SGCZ: variants seen among roughly 807,000 people sequenced by gnomAD.
SGCZ encodes the protein zeta-sarcoglycan.
Under a neutral mutation model 41.3 loss-of-function variants are expected in SGCZ, and 40 were observed. That is an observed-to-expected ratio of 0.97 (90% CI 0.75 to 1.26). SGCZ has a LOEUF of 1.26. Ranked by LOEUF, SGCZ falls within the 50% of genes most tolerant of loss-of-function variation. The pLI, the probability that SGCZ is intolerant of heterozygous loss-of-function variation, is 0.00. For missense variants in SGCZ, 552 were observed against 369.8 expected (o/e 1.49, Z -4.04); for synonymous variants, 206 against 137.5 (o/e 1.50, Z -3.49).
intron 1 of SGCZ, among the ~76,000 whole-genome samples, chr8:14,715,910 G>C (rs1005355903): frequency 1.3e-5 from 2 of 151,906 alleles, no homozygotes; most frequent in African/African-American, 4.8e-5. Flanking sequence ...ACAACAATTT[G>C]GTAGAAATAA....
chr8:14,469,391 C>G (rs1801145719), intron 2 of SGCZ, among the ~76,000 whole-genome samples: 1 of 152,012 alleles, frequency 6.6e-6, no homozygotes, highest in Non-Finnish European at 1.5e-5. Flanking sequence ...AAATCCAATC[C>G]CTCTCACATA....
At chr8:14,551,864 A>G (rs917160056) in intron 2 of SGCZ, among the ~76,000 whole-genome samples, 2 of 151,000 alleles carry the variant, frequency 1.3e-5, no homozygotes, top group Non-Finnish European at 2.9e-5. Flanking sequence ...TACATCATGC[A>G]GAATATCGCT....
At chr8:14,748,512 C>T (rs1585228730) in intron 1 of SGCZ, among the ~76,000 whole-genome samples, 1 of 152,058 alleles carries the variant, frequency 6.6e-6, no homozygotes, top group East Asian at 1.9e-4. Flanking sequence ...ATAAGGACTC[C>T]CTTACAAAAT....
At chr8:14,541,671 G>A (rs970018948) in intron 2 of SGCZ, among the ~76,000 whole-genome samples, 1 of 152,048 alleles carries the variant, frequency 6.6e-6, no homozygotes, top group Non-Finnish European at 1.5e-5. Context: ...TGGGTCAAAT[G>A]GTAGTTCTGA....
intron 1 of SGCZ, among the ~76,000 whole-genome samples, chr8:14,745,359 T>A (rs1448088337): frequency 6.6e-6 from 1 of 152,164 alleles, no homozygotes; most frequent in African/African-American, 2.4e-5. Context: ...GCTAGATCTG[T>A]ATAATACATA....
At chr8:15,001,391 C>T (rs1295667062) in intron 1 of SGCZ, among the ~76,000 whole-genome samples, 3 of 152,196 alleles carry the variant, frequency 2.0e-5, no homozygotes, top group African/African-American at 7.2e-5. Context: ...GGATATTTGT[C>T]ACAAGGTATC....
intron 1 of SGCZ, chr8:14,853,622 T>G (rs1427540676): frequency 2.7e-6 from 1 of 370,814 alleles, no homozygotes; most frequent in Non-Finnish European, 5.8e-6. Context: ...GCTTTGTCCT[T>G]TAAAGAACTG....
chr8:14,798,256 A>T lies in SGCZ; in HGVS notation c.40-243330T>A, dbSNP rs145934372. On this transcript the variant is annotated intron_variant, in intron 1 of 7. Transcript: ENST00000382080. The stretch of plus-strand genomic sequence containing the variant: ...CCCAATGAGGAAAGTATAGAAATCA[A>T]TGAAGAAAGTATACAAGTCCTTTTT... 4.4e-3 allele frequency among the ~76,000 whole-genome samples: 672 copies of T among 152,370 alleles called. 4 individuals are homozygous for T. Among genetic ancestry groups the T allele is most frequent in the Middle Eastern group, 0.021 (6 of 292 alleles).
At chr8:14,857,888 A>C (rs1585323450) in intron 1 of SGCZ, among the ~76,000 whole-genome samples, 1 of 152,220 alleles carries the variant, frequency 6.6e-6, no homozygotes, top group Non-Finnish European at 1.5e-5. Context: ...AGGAAAGAAA[A>C]GAAAACAAAT....
intron 1 of SGCZ, among the ~76,000 whole-genome samples, chr8:14,843,056 A>G (rs561332892): frequency 6.6e-6 from 1 of 152,298 alleles, no homozygotes; most frequent in South Asian, 2.1e-4. Flanking sequence ...CTACTAAAAT[A>G]CAAAAATTAG....
chr8:14,470,958 C>A (rs1056276663), intron 2 of SGCZ, among the ~76,000 whole-genome samples: 3 of 152,132 alleles, frequency 2.0e-5, no homozygotes, highest in Non-Finnish European at 2.9e-5. Context: ...ACAATCATCA[C>A]TTCATCAGTA....
At chr8:14,744,593 C>G (rs896469375) in intron 1 of SGCZ, among the ~76,000 whole-genome samples, 1 of 152,012 alleles carries the variant, frequency 6.6e-6, no homozygotes. Context: ...AATACTGGAT[C>G]CACGTAGAGG....
chr8:14,736,207 T>C (rs1334437646), intron 1 of SGCZ, among the ~76,000 whole-genome samples: 1 of 152,118 alleles, frequency 6.6e-6, no homozygotes, highest in Non-Finnish European at 1.5e-5. Context: ...GTTCATACAG[T>C]AAACCACCTT....
In SGCZ at chr8:15,011,105, T is replaced by C. The variant is rs1802811903; in HGVS notation, c.39+226480A>G. Among the ~76,000 whole-genome samples, 3 of 152,342 alleles carry C rather than the reference T, an allele frequency of 2.0e-5. No individual in the cohort carries two copies. In the South Asian group the frequency reaches 6.2e-4, roughly 32 times the overall value. On this transcript the variant is annotated intron_variant, in intron 1 of 7. Coordinates refer to ENST00000382080, the MANE Select transcript of SGCZ (RefSeq NM_139167.4). ...CCAATCTTATCTTCTTGTTTGCTTT[T>C]AATTTTTACATCTTTTTATGTCTTC... is the stretch of plus-strand genomic sequence containing the variant.
chr8:14,433,331 C>G (rs376371468), intron 2 of SGCZ, among the ~76,000 whole-genome samples: 1 of 152,236 alleles, frequency 6.6e-6, no homozygotes, highest in African/African-American at 2.4e-5. Flanking sequence ...CCACTCTGTG[C>G]TAGATATTAG....
chr8:14,131,956 A>C (rs577728729), intron 5 of SGCZ, among the ~76,000 whole-genome samples: 1 of 150,342 alleles, frequency 6.7e-6, no homozygotes, highest in East Asian at 1.9e-4. Flanking sequence ...GTGTAAATAC[A>C]CTCTATGATG....
intron 1 of SGCZ, among the ~76,000 whole-genome samples, chr8:14,897,474 G>A (rs145560601): frequency 3.3e-5 from 5 of 152,228 alleles, no homozygotes; most frequent in African/African-American, 1.2e-4. Flanking sequence ...GGACGGTTTG[G>A]CTCTTCTGTT....
intron 4 of SGCZ, among the ~76,000 whole-genome samples, chr8:14,221,716 A>G (rs1374006591): frequency 6.6e-6 from 1 of 152,122 alleles, no homozygotes; most frequent in Non-Finnish European, 1.5e-5. Flanking sequence ...AAGGCAGATC[A>G]CCTGAGGTCA....
chr8:15,226,226 T>C (rs1480096701), intron 1 of SGCZ, among the ~76,000 whole-genome samples: 1 of 152,194 alleles, frequency 6.6e-6, no homozygotes, highest in African/African-American at 2.4e-5. Context: ...TGTGTAAGCA[T>C]ACTGTCTTTG....
Sources: allele counts gnomAD v4.1 joint callset (sites outside exome capture counted in the v4.1 genomes callset), GRCh38; gene constraint gnomAD v4.1.1; transcripts MANE v1.5; gene names NCBI Gene and HGNC (gene_info 2026-07-23, HGNC 2026-07-21).